GPC5: variants seen among roughly 807,000 people sequenced by gnomAD.
GPC5 encodes glypican-5.
GPC5 carries 47 observed loss-of-function variants against 53.9 expected under a neutral mutation model. The observed-to-expected ratio is 0.87, with a 90% confidence interval of 0.69 to 1.11. The LOEUF is 1.11. Among genes scored for constraint, GPC5 ranks in the 50% most tolerant of loss-of-function variants. The pLI, the probability that GPC5 is intolerant of heterozygous loss-of-function variation, is 0.00. For synonymous variants in GPC5, 286 were observed against 263.3 expected, an observed-to-expected ratio of 1.09 and a Z score of -0.84; for missense variants, 748 against 713.1, an observed-to-expected ratio of 1.05 and a Z score of -0.56.
rs386380203 is a variant in GPC5, at chr13:91,819,151, C to CTT, written c.1280+62756_1280+62757dup. Reference sequence around the variant, plus strand: ...TTCTTTTTATTAAAAAAAATATGCGCTTTTTTTTTTTTTTTTTTTTTTTTT... The same window carrying CTT: ...TTCTTTTTATTAAAAAAAATATGCGCTTTTTTTTTTTTTTTTTTTTTTTTTTT... On this transcript the variant is annotated intron_variant, in intron 5 of 7. Coordinates refer to ENST00000377067, the MANE Select transcript of GPC5 (RefSeq NM_004466.6). Among the ~76,000 whole-genome samples, 542 of 58,090 alleles carry CTT rather than the reference C, an allele frequency of 9.3e-3. 94 individuals are homozygous for CTT. Among genetic ancestry groups the CTT allele is most frequent in the East Asian group, 0.081 (128 of 1,590 alleles). The allele number at this position is 58,090 out of a possible 152,430, so 38.1% of individuals were successfully genotyped here.
chr13:91,609,322 T>G (rs1292635873), intron 2 of GPC5, among the ~76,000 whole-genome samples: 3 of 151,992 alleles, frequency 2.0e-5, no homozygotes, highest in Non-Finnish European at 4.4e-5. Flanking sequence ...CACCTTGGAA[T>G]GAACTGACAC....
chr13:92,839,962 A>C lies in GPC5; in HGVS notation c.1562-26320A>C, dbSNP rs1878366629. 2.0e-5 allele frequency among the ~76,000 whole-genome samples: 3 copies of C among 151,540 alleles called. No homozygotes were observed. In the East Asian group the frequency reaches 5.8e-4, roughly 30 times the overall value. On this transcript the variant is annotated intron_variant, in intron 7 of 7. Coordinates refer to ENST00000377067, the MANE Select transcript of GPC5 (RefSeq NM_004466.6). ...AGACTACAAATCCCTCCACAAATTT[A>C]TTATGTTCTTATTTACATAAGAATT...
At chr13:92,800,252 A>G (rs1014747853) in intron 7 of GPC5, among the ~76,000 whole-genome samples, 4 of 151,850 alleles carry the variant, frequency 2.6e-5, no homozygotes, top group Non-Finnish European at 5.9e-5. Flanking sequence ...ACATTAATAA[A>G]CTGCCTTCTG....
At chr13:92,248,917 G>A (rs1351551675) in intron 7 of GPC5, among the ~76,000 whole-genome samples, 1 of 152,038 alleles carries the variant, frequency 6.6e-6, no homozygotes. Flanking sequence ...TCCCTAAGTG[G>A]TCTCCTAGGC....
intron 6 of GPC5, among the ~76,000 whole-genome samples, chr13:92,003,602 T>C (rs959268652): frequency 6.6e-6 from 1 of 152,212 alleles, no homozygotes; most frequent in Admixed American, 6.5e-5. Context: ...GTACATTAGA[T>C]GAACACATTT....
intron 7 of GPC5, among the ~76,000 whole-genome samples, chr13:92,489,462 AT>A (rs1368985363): frequency 1.3e-5 from 2 of 152,112 alleles, no homozygotes; most frequent in East Asian, 3.9e-4. Context: ...AGGCAAGGTA[AT>A]TTGCATAAAA....
In GPC5 at chr13:92,497,404, A is replaced by C. The variant is rs146437967; in HGVS notation, c.1561+352415A>C. On this transcript the variant is annotated intron_variant, in intron 7 of 7. Coordinates refer to ENST00000377067, the MANE Select transcript of GPC5 (RefSeq NM_004466.6). ...GTTTTTGTCAGGTTTGTTGAAGATC[A>C]GATGGTTTTAGATGTGTGGTGTTAT... 4.6e-3 allele frequency among the ~76,000 whole-genome samples: 696 copies of C among 152,292 alleles called. 6 individuals are homozygous for C. Among genetic ancestry groups the C allele is most frequent in the African/African-American group, 0.016 (658 of 41,562 alleles).
intron 1 of GPC5, among the ~76,000 whole-genome samples, chr13:91,433,565 G>GTA (rs1879668045): frequency 6.6e-6 from 1 of 152,254 alleles, no homozygotes. Flanking sequence ...ATTTCATGGT[G>GTA]TATATGTGCC....
intron 7 of GPC5, among the ~76,000 whole-genome samples, chr13:92,422,015 TCA>T (rs71811098): frequency 0.053 from 8,060 of 152,182 alleles, 271 homozygotes; most frequent in East Asian, 0.16. Context: ...ACTCCTGGCA[TCA>T]TCACTGGAAC....
chr13:92,093,977 G>A, intron 6 of GPC5, among the ~76,000 whole-genome samples: 1 of 152,118 alleles, frequency 6.6e-6, no homozygotes, highest in Non-Finnish European at 1.5e-5. Flanking sequence ...ATTATAAGTT[G>A]ATTGTGTCAA....
intron 7 of GPC5, among the ~76,000 whole-genome samples, chr13:92,632,146 A>T (rs1273238010): frequency 2.6e-5 from 4 of 152,178 alleles, no homozygotes; most frequent in African/African-American, 9.7e-5. Flanking sequence ...ACAGAAGATG[A>T]CAAAAGCATT....
chr13:92,471,478 A>T (rs935194486), intron 7 of GPC5, among the ~76,000 whole-genome samples: 1 of 152,060 alleles, frequency 6.6e-6, no homozygotes. Context: ...CCCTATTTAT[A>T]GGTAAGCCAT....
intron 7 of GPC5, among the ~76,000 whole-genome samples, chr13:92,695,857 C>T (rs553487956): frequency 2.0e-5 from 3 of 152,030 alleles, no homozygotes; most frequent in Non-Finnish European, 4.4e-5. Flanking sequence ...CCCTAGTCCC[C>T]CATCCCATGA....
chr13:92,526,394 A>G (rs1881283172), intron 7 of GPC5, among the ~76,000 whole-genome samples: 1 of 152,044 alleles, frequency 6.6e-6, no homozygotes, highest in South Asian at 2.1e-4. Context: ...ATGACCCCCA[A>G]CTCCAAAAGG....
At chr13:92,188,280 G>GA (rs2042198588) in intron 7 of GPC5, among the ~76,000 whole-genome samples, 1 of 152,154 alleles carries the variant, frequency 6.6e-6, no homozygotes, top group South Asian at 2.1e-4. Flanking sequence ...AGGAGACAGT[G>GA]AAAAGACTTA....
chr13:91,739,109 T>C (rs927140975), intron 4 of GPC5, among the ~76,000 whole-genome samples: 2 of 151,628 alleles, frequency 1.3e-5, no homozygotes, highest in African/African-American at 4.9e-5. Flanking sequence ...CCAATTAACA[T>C]TTTAAAAATG....
At chr13:91,811,243 A>T (rs2038306883) in intron 5 of GPC5, among the ~76,000 whole-genome samples, 1 of 152,034 alleles carries the variant, frequency 6.6e-6, no homozygotes, top group South Asian at 2.1e-4. Context: ...AAGACATCTG[A>T]TATATTAAGA....
At chr13:91,698,170 A>C (rs371651007) in intron 3 of GPC5, among the ~76,000 whole-genome samples, 24 of 152,194 alleles carry the variant, frequency 1.6e-4, no homozygotes, top group African/African-American at 5.1e-4. Flanking sequence ...CAAGGTCAGA[A>C]TCATAATTTT....
chr13:91,903,029 T>C (rs1199812975), intron 5 of GPC5, among the ~76,000 whole-genome samples: 1 of 83,520 alleles, frequency 1.2e-5, no homozygotes, highest in African/African-American at 5.4e-5. Flanking sequence ...TACAGCTCAG[T>C]ACTTTTTTTT....
Sources: gnomAD v4.1 joint callset for allele counts (sites outside exome capture counted in the v4.1 genomes callset) on GRCh38, gnomAD v4.1.1 for gene constraint, MANE v1.5 for transcripts, NCBI Gene and HGNC (gene_info 2026-07-23, HGNC 2026-07-21) for gene names.